CHRNA7: variants seen among roughly 807,000 people sequenced by gnomAD.
CHRNA7 encodes the protein neuronal acetylcholine receptor subunit alpha-7.
A neutral mutation model predicts 48.0 loss-of-function variants in CHRNA7; 17 were observed. The ratio of observed to expected loss-of-function variants is 0.35; its 90% CI spans 0.24 to 0.53. CHRNA7 has a LOEUF of 0.53. Ranked by LOEUF, CHRNA7 falls within the 20% of genes least tolerant of loss-of-function variation. The pLI is 0.92. For missense variants in CHRNA7, 155 were observed against 577.7 expected, an observed-to-expected ratio of 0.27 and a Z score of 7.50; for synonymous variants, 75 against 242.3, an observed-to-expected ratio of 0.31 and a Z score of 6.41.
At chr15:32,132,970 T>C (rs2051181618) in intron 4 of CHRNA7, among the ~76,000 whole-genome samples, 1 of 152,224 alleles carries the variant, frequency 6.6e-6, no homozygotes, top group African/African-American at 2.4e-5. Context: ...CTGATCATTT[T>C]TCAATGAACC....
intron 8 of CHRNA7, chr15:32,161,992 G>GTA (rs1176142432): frequency 8.8e-6 from 1 of 114,120 alleles, no homozygotes; most frequent in Non-Finnish European, 1.8e-5. Flanking sequence ...ACTCACTCTA[G>GTA]TAAACTCAGG....
chr15:32,114,038 A>G (rs1313448036), intron 4 of CHRNA7, among the ~76,000 whole-genome samples: 21 of 82,330 alleles, frequency 2.6e-4, no homozygotes, highest in African/African-American at 1.0e-3. Flanking sequence ...ATATATATAT[A>G]TATATGTATA....
At chr15:32,071,839 T>C (rs2050063497) in intron 2 of CHRNA7, among the ~76,000 whole-genome samples, 1 of 152,088 alleles carries the variant, frequency 6.6e-6, no homozygotes, top group Non-Finnish European at 1.5e-5. Flanking sequence ...TTTTTTTTTT[T>C]TCTCAATAAG....
At chr15:32,131,752 C>A (rs1353429108) in intron 4 of CHRNA7, among the ~76,000 whole-genome samples, 2 of 152,078 alleles carry the variant, frequency 1.3e-5, no homozygotes, top group Non-Finnish European at 2.9e-5. Flanking sequence ...AAAATTATAT[C>A]CTGGACATTT....
At chr15:32,136,720 G>A (rs1260635265) in intron 4 of CHRNA7, among the ~76,000 whole-genome samples, 1 of 151,266 alleles carries the variant, frequency 6.6e-6, no homozygotes, top group Non-Finnish European at 1.5e-5. Flanking sequence ...AGTAGGGGTC[G>A]AATGGGGAAG....
chr15:32,122,843 T>G (rs1462313670), intron 4 of CHRNA7, among the ~76,000 whole-genome samples: 1 of 137,300 alleles, frequency 7.3e-6, no homozygotes, highest in Non-Finnish European at 1.6e-5. Flanking sequence ...GCTGCGATTT[T>G]AAAACACTCA....
At chr15:32,054,989 A>G (rs1006519790) in intron 2 of CHRNA7, among the ~76,000 whole-genome samples, 1 of 152,198 alleles carries the variant, frequency 6.6e-6, no homozygotes, top group Non-Finnish European at 1.5e-5. Flanking sequence ...GGTTATACCA[A>G]TTAGCATTCC....
chr15:32,105,680 A>C (rs2050658177), intron 3 of CHRNA7, among the ~76,000 whole-genome samples: 1 of 152,078 alleles, frequency 6.6e-6, no homozygotes, highest in African/African-American at 2.4e-5. Flanking sequence ...CCTAAACGTG[A>C]AGATCTGGGA....
chr15:32,080,783 C>T (rs976741825), intron 2 of CHRNA7, among the ~76,000 whole-genome samples: 4 of 152,178 alleles, frequency 2.6e-5, no homozygotes, highest in Non-Finnish European at 4.4e-5. Context: ...CTCAGCCGTC[C>T]CATTACTGGG....
chr15:32,130,119 A>G (rs1042945821), intron 4 of CHRNA7, among the ~76,000 whole-genome samples: 2 of 151,986 alleles, frequency 1.3e-5, no homozygotes, highest in Non-Finnish European at 2.9e-5. Flanking sequence ...TAGGCTCAGG[A>G]TATGGTCTAT....
At chr15:32,059,225 A>T (rs1264809988) in intron 2 of CHRNA7, among the ~76,000 whole-genome samples, 1 of 152,128 alleles carries the variant, frequency 6.6e-6, no homozygotes, top group Non-Finnish European at 1.5e-5. Context: ...GCTGGTCTCG[A>T]ACTCCTGACG....
intron 3 of CHRNA7, among the ~76,000 whole-genome samples, chr15:32,104,855 G>GTA (rs1317526174): frequency 6.6e-6 from 1 of 152,184 alleles, no homozygotes; most frequent in East Asian, 1.9e-4. Flanking sequence ...GCCCTCTAAG[G>GTA]AACAACGCTG....
intron 2 of CHRNA7, among the ~76,000 whole-genome samples, chr15:32,078,595 A>C (rs746290375): frequency 2.0e-5 from 3 of 151,568 alleles, no homozygotes; most frequent in Non-Finnish European, 4.4e-5. Flanking sequence ...GAACCTGGAT[A>C]CAGTCAAATC....
intron 4 of CHRNA7, among the ~76,000 whole-genome samples, chr15:32,121,526 A>C (rs2050970117): frequency 6.6e-6 from 1 of 152,176 alleles, no homozygotes; most frequent in African/African-American, 2.4e-5. Context: ...TGGCTGTAAG[A>C]CAAGGGCACA....
chr15:32,110,905 G>A (rs924109990), intron 3 of CHRNA7, among the ~76,000 whole-genome samples: 1 of 152,176 alleles, frequency 6.6e-6, no homozygotes, highest in African/African-American at 2.4e-5. Context: ...CTGAGCTTCA[G>A]AGCATGGGTG....
intron 2 of CHRNA7, among the ~76,000 whole-genome samples, chr15:32,049,527 A>G (rs1386048252): frequency 6.6e-6 from 1 of 151,922 alleles, no homozygotes; most frequent in Non-Finnish European, 1.5e-5. Flanking sequence ...TTTAATTTTG[A>G]GGCTATGTGT....
intron 4 of CHRNA7, among the ~76,000 whole-genome samples, chr15:32,152,482 A>G (rs2051651116): frequency 6.6e-6 from 1 of 152,142 alleles, no homozygotes; most frequent in Admixed American, 6.5e-5. Flanking sequence ...GGACACAGGG[A>G]GGCACCAGGG....
At chr15:32,088,983 A>G (rs531245588) in intron 2 of CHRNA7, among the ~76,000 whole-genome samples, 1 of 152,252 alleles carries the variant, frequency 6.6e-6, no homozygotes, top group South Asian at 2.1e-4. Flanking sequence ...TGTATGAAAA[A>G]CCATAATCAC....
At chr15:32,129,075 T>C (rs1425651828) in intron 4 of CHRNA7, among the ~76,000 whole-genome samples, 2 of 152,000 alleles carry the variant, frequency 1.3e-5, no homozygotes, top group African/African-American at 4.8e-5. Context: ...TTTTCAATTA[T>C]TGAACTAGCT....
Sources: gnomAD v4.1 joint callset for allele counts (sites outside exome capture counted in the v4.1 genomes callset) on GRCh38, gnomAD v4.1.1 for gene constraint, MANE v1.5 for transcripts, NCBI Gene and HGNC (gene_info 2026-07-23, HGNC 2026-07-21) for gene names.